The following BEND2 variants were observed in gnomAD, a reference collection of about 807,000 sequenced individuals.
The protein encoded by BEND2 is BEN domain containing 2.
BEND2 carries 19 observed loss-of-function variants against 43.8 expected under a neutral mutation model. That is an observed-to-expected ratio of 0.43 (90% CI 0.30 to 0.64). The LOEUF is 0.64. Among genes scored for constraint, BEND2 ranks in the 30% least tolerant of loss-of-function variants. The probability of loss-of-function intolerance (pLI) is 0.11; values close to 1 mark genes in which losing one functional copy is unlikely to be tolerated. For missense variants in BEND2, 544 were observed against 574.0 expected (o/e 0.95, Z 0.53); for synonymous variants, 226 against 210.1 (o/e 1.08, Z -0.66).
rs142726808 is a variant in BEND2, at chrX:18,198,742, C to T, written c.1033+3073G>A. ...ACTATAAATCATGCTGCTATAAAGACACATGCACACTTATGTTTATCGTGG... is the reference window on the plus strand; with the variant it reads ...ACTATAAATCATGCTGCTATAAAGATACATGCACACTTATGTTTATCGTGG... On this transcript the variant is annotated intron_variant, in intron 6 of 13. Transcript: ENST00000380033. Among the ~76,000 whole-genome samples, 1,068 of 110,389 alleles carry T rather than the reference C, an allele frequency of 9.7e-3. 15 individuals are homozygous for T. The highest frequency in any genetic ancestry group is 0.033 in the African/African-American group (1,005 of 30,219).
intron 10 of BEND2, among the ~76,000 whole-genome samples, chrX:18,177,211 TC>T (rs1209948837): frequency 8.8e-4 from 75 of 85,016 alleles, no homozygotes; most frequent in African/African-American, 3.0e-3. Context: ...AGTCTTTTAT[TC>T]CCCCCCGCCC....
chrX:18,177,431 G>T, intron 10 of BEND2, 138 bp downstream of exon 10: 1 of 624,527 alleles, frequency 1.6e-6, no homozygotes, highest in Non-Finnish European at 2.5e-6. Context: ...GTAAAATCAG[G>T]GTCAGACAGG....
In BEND2 at chrX:18,165,108, C is replaced by T; in HGVS notation, c.2301G>A (p.Arg767=). ...GAAGCGACTGAGACCTGGCTTCAGC[C>T]CTTCTGACGTCATGTCTAAGGCTAC... ...GIRSLRHDVR[R]AEARSQSLPA... is the part of the protein sequence containing the mutation. The change falls in exon 14 of 14, where the codon AGG becomes AGA. Residue 767 remains arginine, a synonymous_variant. Transcript: ENST00000380033. The T allele has an allele frequency of 8.3e-7, 1 of 1,210,179 alleles. No homozygotes were observed.
chrX:18,211,183 C>A (rs1354006763), intron 4 of BEND2, among the ~76,000 whole-genome samples: 1 of 111,644 alleles, frequency 9.0e-6, no homozygotes, highest in Non-Finnish European at 1.9e-5. Context: ...TATCCACATC[C>A]TCATGTAAGT....
intron 10 of BEND2, among the ~76,000 whole-genome samples, chrX:18,176,527 A>G (rs1238873118): frequency 9.2e-6 from 1 of 109,205 alleles, no homozygotes; most frequent in Non-Finnish European, 1.9e-5. Context: ...AAAAATACAA[A>G]ACTTAGCTGG....
chrX:18,218,904 G>T (rs887076252), intron 1 of BEND2, among the ~76,000 whole-genome samples: 1 of 112,060 alleles, frequency 8.9e-6, no homozygotes, highest in Non-Finnish European at 1.9e-5. Context: ...GAAATTGTTT[G>T]AACATTATAC....
chrX:18,183,932 A>T (rs773858485), intron 8 of BEND2, among the ~76,000 whole-genome samples: 1 of 111,343 alleles, frequency 9.0e-6, no homozygotes, highest in African/African-American at 3.3e-5. Flanking sequence ...GCTGGGGGGA[A>T]CTCACCACCC....
chrX:18,215,354 C>T (rs1224441501), intron 2 of BEND2, among the ~76,000 whole-genome samples: 2 of 111,923 alleles, frequency 1.8e-5, no homozygotes, highest in Non-Finnish European at 3.8e-5. Context: ...TGTTCTATAA[C>T]ACACTAAAGA....
chrX:18,184,454 C>T (rs2078498074), intron 8 of BEND2, among the ~76,000 whole-genome samples: 1 of 111,921 alleles, frequency 8.9e-6, no homozygotes. Context: ...TGCACTCCAG[C>T]CTGGGCAACA....
Position 18,213,761 on chromosome X carries a change from TA to T in BEND2, c.376+12del. ...ATATCATCTCTACTAAAAATAAAAA[TA>T]AAAATAAATACCTGGGCATGGTGGC... On this transcript the variant is annotated intron_variant, in intron 3 of 13. Coordinates refer to ENST00000380033, the MANE Select transcript of BEND2 (RefSeq NM_153346.5). 6.3e-6 allele frequency: 1 copy of T among 158,331 alleles called. No homozygotes were observed. The highest frequency in any genetic ancestry group is 1.2e-5 in the Non-Finnish European group (1 of 82,786). The allele number at this position is 158,331 out of a possible 1,213,427, so 13.0% of individuals were successfully genotyped here. A position where few individuals can be genotyped will look rare whatever the true frequency, so the allele number is the denominator to read the frequency against.
intron 2 of BEND2, among the ~76,000 whole-genome samples, chrX:18,214,753 G>A (rs1206721649): frequency 2.2e-5 from 2 of 89,088 alleles, no homozygotes; most frequent in East Asian, 3.7e-4. Flanking sequence ...AGAGATTGCA[G>A]TGAGCCGAGA....
At chrX:18,179,512 T>C (rs902345323) in intron 9 of BEND2, among the ~76,000 whole-genome samples, 2 of 110,676 alleles carry the variant, frequency 1.8e-5, no homozygotes, top group South Asian at 7.8e-4. Flanking sequence ...CAAAATAGTT[T>C]AAAGGAATAA....
chrX:18,203,358 T>C (rs1164684392), intron 5 of BEND2, 143 bp downstream of exon 5: 1 of 719,425 alleles, frequency 1.4e-6, no homozygotes, highest in Non-Finnish European at 2.0e-6. Context: ...CTCTGTATTA[T>C]TTCTTACAAC....
chrX:18,197,924 A>T (rs1339371369), intron 6 of BEND2, among the ~76,000 whole-genome samples: 1 of 111,407 alleles, frequency 9.0e-6, no homozygotes, highest in South Asian at 3.8e-4. Flanking sequence ...CAAAAGCAGA[A>T]ACCCCTGACA....
At chrX:18,208,929 G>C (rs1925424081) in intron 4 of BEND2, among the ~76,000 whole-genome samples, 1 of 110,764 alleles carries the variant, frequency 9.0e-6, no homozygotes, top group Non-Finnish European at 1.9e-5. Flanking sequence ...CCAACTAAAG[G>C]AACCGGGGCT....
chrX:18,201,653 G>A (rs971840531), intron 6 of BEND2, among the ~76,000 whole-genome samples, 162 bp downstream of exon 6: 12 of 107,088 alleles, frequency 1.1e-4, no homozygotes, highest in African/African-American at 3.7e-4. Context: ...CACCACACCC[G>A]GCTAATTTTT....
At chrX:18,183,397 C>T (rs1319816525) in intron 8 of BEND2, among the ~76,000 whole-genome samples, 1 of 112,240 alleles carries the variant, frequency 8.9e-6, no homozygotes, top group Non-Finnish European at 1.9e-5. Flanking sequence ...AAGAAGTCTC[C>T]AAGGAAATTT....
In BEND2 at chrX:18,196,426, T is replaced by G. The variant is rs772262462; in HGVS notation, c.1034-984A>C. 3.6e-5 allele frequency among the ~76,000 whole-genome samples: 4 copies of G among 111,248 alleles called. No individual in the cohort carries two copies. In the South Asian group the frequency reaches 1.5e-3, roughly 42 times the overall value. ...TGGCAGTTTCTTATAAAACTAAACA[T>G]GCTAGTACCATAAGACCCAGCAATT... On this transcript the variant is annotated intron_variant, in intron 6 of 13. Transcript: ENST00000380033.
intron 4 of BEND2, among the ~76,000 whole-genome samples, chrX:18,206,171 C>T (rs753819501): frequency 9.0e-6 from 1 of 111,503 alleles, no homozygotes; most frequent in African/African-American, 3.3e-5. Flanking sequence ...CTTCATGTTA[C>T]TATTGTTATT....
Sources: allele counts gnomAD v4.1 joint callset (sites outside exome capture counted in the v4.1 genomes callset), GRCh38; gene constraint gnomAD v4.1.1; transcripts MANE v1.5; gene names NCBI Gene and HGNC (gene_info 2026-07-23, HGNC 2026-07-21).